AUTS2: variants seen among roughly 807,000 people sequenced by gnomAD.
AUTS2 encodes autism susceptibility gene 2 protein.
AUTS2 carries 17 observed loss-of-function variants against 112.4 expected under a neutral mutation model. The ratio of observed to expected loss-of-function variants is 0.15; its 90% CI spans 0.10 to 0.23. AUTS2 has a LOEUF of 0.23. Ranked by LOEUF, AUTS2 falls within the 10% of genes least tolerant of loss-of-function variation. The pLI is 1.00. For synonymous variants in AUTS2, 751 were observed against 702.7 expected, an observed-to-expected ratio of 1.07 and a Z score of -1.09; for missense variants, 1,510 against 1,701.6, an observed-to-expected ratio of 0.89 and a Z score of 1.98.
intron 4 of AUTS2, among the ~76,000 whole-genome samples, chr7:70,405,441 C>G (rs1375647495): frequency 6.6e-6 from 1 of 152,204 alleles, no homozygotes; most frequent in Admixed American, 6.5e-5. Flanking sequence ...GTCACTGATA[C>G]AAGCTTTTAC....
At chr7:70,608,722 G>A (rs542547996) in intron 5 of AUTS2, among the ~76,000 whole-genome samples, 34 of 152,182 alleles carry the variant, frequency 2.2e-4, no homozygotes, top group African/African-American at 8.0e-4. Flanking sequence ...CAATCCCCTG[G>A]TGTACTGCTC....
chr7:69,844,766 G>A (rs970050887), intron 1 of AUTS2, among the ~76,000 whole-genome samples: 4 of 151,980 alleles, frequency 2.6e-5, no homozygotes, highest in South Asian at 2.1e-4. Context: ...TAGTTTTATC[G>A]GTAGATCTTA....
intron 4 of AUTS2, among the ~76,000 whole-genome samples, chr7:70,271,740 G>A (rs1002027586): frequency 2.0e-5 from 3 of 152,188 alleles, no homozygotes; most frequent in African/African-American, 7.2e-5. Context: ...GCAATTATGT[G>A]TAAATGCCTC....
chr7:70,448,570 T>C (rs780658687), intron 5 of AUTS2, among the ~76,000 whole-genome samples: 4 of 152,188 alleles, frequency 2.6e-5, no homozygotes, highest in Admixed American at 6.6e-5. Flanking sequence ...TAGTAAAGAA[T>C]AAGAACAAAA....
At chr7:69,918,669 G>A (rs746654008) in intron 2 of AUTS2, among the ~76,000 whole-genome samples, 4 of 152,194 alleles carry the variant, frequency 2.6e-5, no homozygotes, top group East Asian at 1.9e-4. Flanking sequence ...GTGACCACAA[G>A]TGTGCTAAAA....
intron 5 of AUTS2, among the ~76,000 whole-genome samples, chr7:70,577,540 A>T (rs1255221317): frequency 6.6e-6 from 1 of 152,208 alleles, no homozygotes; most frequent in Non-Finnish European, 1.5e-5. Flanking sequence ...GATACATAAC[A>T]TTACCTGTTA....
intron 1 of AUTS2, among the ~76,000 whole-genome samples, chr7:69,648,474 C>T (rs1389563754): frequency 4.7e-5 from 7 of 150,384 alleles, no homozygotes; most frequent in Non-Finnish European, 8.9e-5. Flanking sequence ...AAAAACTCCA[C>T]GTGCATTTTA....
chr7:70,487,512 A>G (rs1451172571), intron 5 of AUTS2, among the ~76,000 whole-genome samples: 1 of 152,186 alleles, frequency 6.6e-6, no homozygotes, highest in Non-Finnish European at 1.5e-5. Flanking sequence ...TATGATGGAA[A>G]TCTCAGAAGC....
At chr7:69,746,580 G>A (rs1787505133) in intron 1 of AUTS2, among the ~76,000 whole-genome samples, 1 of 152,160 alleles carries the variant, frequency 6.6e-6, no homozygotes, top group Non-Finnish European at 1.5e-5. Context: ...ATTAGTCTGG[G>A]TGGAGACACT....
Position 70,787,379 on chromosome 7 carries a change from G to T in AUTS2, c.2479G>T (p.Asp827Tyr). 1 of 1,614,092 alleles carries T rather than the reference G, an allele frequency of 6.2e-7. No individual in the cohort carries two copies. Among genetic ancestry groups the T allele is most frequent in the Non-Finnish European group, 8.5e-7 (1 of 1,179,972 alleles). ...RSASAAAHDR[D>Y]RDVDKRDSSV... is the part of the protein sequence containing the mutation. ...CGCGTCCGCTGCAGCTCATGACAGA[G>T]ATAGAGATGTAGATAAACGAGACTC... The change falls in exon 18 of 19, where the codon GAT becomes TAT. Residue 827 changes from aspartate to tyrosine, a missense_variant. Asp to Tyr is a radical substitution (Grantham distance 160). Transcript: ENST00000342771.
chr7:70,094,235 A>G (rs1166077553), intron 2 of AUTS2, among the ~76,000 whole-genome samples: 1 of 152,228 alleles, frequency 6.6e-6, no homozygotes, highest in Non-Finnish European at 1.5e-5. Flanking sequence ...ATGTATTTAT[A>G]TATATTTGTG....
intron 4 of AUTS2, among the ~76,000 whole-genome samples, chr7:70,153,769 A>G (rs577400909): frequency 6.6e-6 from 1 of 152,318 alleles, no homozygotes; most frequent in South Asian, 2.1e-4. Flanking sequence ...GTCAAAATGC[A>G]TGTTTTCATC....
intron 5 of AUTS2, among the ~76,000 whole-genome samples, chr7:70,654,755 A>G (rs1193546335): frequency 1.3e-5 from 2 of 152,334 alleles, no homozygotes; most frequent in East Asian, 1.9e-4. Context: ...TTGTCTTCCA[A>G]GAAGTTTGCT....
chr7:69,901,688 A>C (rs1387183658), intron 2 of AUTS2, among the ~76,000 whole-genome samples: 4 of 152,252 alleles, frequency 2.6e-5, no homozygotes, highest in Non-Finnish European at 5.9e-5. Context: ...TTTTAAAAAC[A>C]AGGAGTATTT....
chr7:69,821,864 T>C (rs560637603), intron 1 of AUTS2, among the ~76,000 whole-genome samples: 5 of 145,532 alleles, frequency 3.4e-5, no homozygotes, highest in African/African-American at 7.7e-5. Flanking sequence ...TGCAGTGAGC[T>C]GTGATTGCAC....
At chr7:70,656,167 G>A (rs1806759762) in intron 5 of AUTS2, among the ~76,000 whole-genome samples, 1 of 151,768 alleles carries the variant, frequency 6.6e-6, no homozygotes, top group Non-Finnish European at 1.5e-5. Flanking sequence ...AGCCACTTTG[G>A]GGCCCTCAAT....
Position 70,077,132 on chromosome 7 carries a change from T to C in AUTS2, c.523-41000T>C, listed in dbSNP as rs1483314917. On this transcript the variant is annotated intron_variant, in intron 2 of 18. Coordinates refer to ENST00000342771, the MANE Select transcript of AUTS2 (RefSeq NM_015570.4). Reference sequence around the variant, plus strand: ...TGTAAATAGGAACTTTCTAACAATTTGAGCTGTCCATTAGAGGGATGGGCA... The same window carrying C: ...TGTAAATAGGAACTTTCTAACAATTCGAGCTGTCCATTAGAGGGATGGGCA... Among the ~76,000 whole-genome samples the C allele has an allele frequency of 2.0e-5, 3 of 152,170 alleles. No individual in the cohort carries two copies. In the East Asian group the frequency reaches 5.8e-4, roughly 29 times the overall value.
At chr7:70,520,361 C>T (rs886690755) in intron 5 of AUTS2, among the ~76,000 whole-genome samples, 4 of 152,182 alleles carry the variant, frequency 2.6e-5, no homozygotes, top group African/African-American at 9.6e-5. Flanking sequence ...CCTGGTCTCT[C>T]CTCAGCCACA....
intron 2 of AUTS2, among the ~76,000 whole-genome samples, chr7:70,003,267 T>TTA (rs1488188562): frequency 3.1e-5 from 4 of 129,440 alleles, no homozygotes; most frequent in African/African-American, 8.9e-5. Flanking sequence ...ATATAATATA[T>TTA]TATATATGTG....
Sources: gnomAD v4.1 joint callset for allele counts (sites outside exome capture counted in the v4.1 genomes callset) on GRCh38, gnomAD v4.1.1 for gene constraint, MANE v1.5 for transcripts, NCBI Gene and HGNC (gene_info 2026-07-23, HGNC 2026-07-21) for gene names.